Variants in DARS1 observed in about 807,000 individuals in gnomAD.
DARS1 encodes aspartate--tRNA ligase, cytoplasmic.
DARS1 carries 51 observed loss-of-function variants against 68.8 expected under a neutral mutation model. That is an observed-to-expected ratio of 0.74 (90% CI 0.59 to 0.94). The LOEUF is 0.94. Among genes scored for constraint, DARS1 ranks in the 40% least tolerant of loss-of-function variants. The pLI is 0.00. For synonymous variants in DARS1, 203 were observed against 190.4 expected, an observed-to-expected ratio of 1.07 and a Z score of -0.55; for missense variants, 607 against 597.3, an observed-to-expected ratio of 1.02 and a Z score of -0.17.
At chr2:135,971,303 T>C (rs1328476753) in intron 3 of DARS1, among the ~76,000 whole-genome samples, 1 of 152,162 alleles carries the variant, frequency 6.6e-6, no homozygotes, top group African/African-American at 2.4e-5. Flanking sequence ...AATCAATCAA[T>C]GTAATACATT....
intron 4 of DARS1, among the ~76,000 whole-genome samples, chr2:135,959,316 C>G (rs1340736839): frequency 7.3e-6 from 1 of 137,596 alleles, no homozygotes; most frequent in Non-Finnish European, 1.5e-5. Context: ...ATTGCTTGAA[C>G]CGGGTAGGAG....
At position 135,922,993 on chromosome 2, in the gene DARS1, G is replaced by C. The variant is rs10205844; in HGVS notation, c.677-75C>G. 8 of 1,298,852 alleles carry C rather than the reference G, an allele frequency of 6.2e-6. No individual in the cohort carries two copies. The African/African-American group carries it at 1.2e-4, about 20-fold the overall frequency. The allele number at this position is 1,298,852 out of a possible 1,614,324, so 80.5% of individuals were successfully genotyped here. On this transcript the variant is annotated intron_variant, in intron 8 of 15. Coordinates refer to ENST00000264161, the MANE Select transcript of DARS1 (RefSeq NM_001349.4). ...ATCAATGCAAACCTCTAGTTAAAAA[G>C]TTTATACTCAGGTAACTCACTTTAA...
chr2:135,950,357 A>G (rs768627721), intron 4 of DARS1, among the ~76,000 whole-genome samples: 2 of 152,256 alleles, frequency 1.3e-5, no homozygotes, highest in Non-Finnish European at 2.9e-5. Flanking sequence ...CCTCACAGAC[A>G]TATTTCTCTC....
chr2:135,932,496 G>T (rs1357243689), intron 7 of DARS1, among the ~76,000 whole-genome samples: 1 of 152,060 alleles, frequency 6.6e-6, no homozygotes, highest in Admixed American at 6.5e-5. Context: ...TGAATAACTT[G>T]TCTAAAAAAG....
intron 1 of DARS1, 139 bp downstream of exon 1, chr2:135,985,264 G>C: frequency 7.2e-7 from 1 of 1,382,004 alleles, no homozygotes. Context: ...AAGGGCTCTA[G>C]GCGCCCGGAC....
At chr2:135,966,264 C>G (rs1035853229) in intron 3 of DARS1, among the ~76,000 whole-genome samples, 1 of 143,292 alleles carries the variant, frequency 7.0e-6, no homozygotes, top group Admixed American at 7.2e-5. Context: ...CGTGAGACCT[C>G]TATTTCCATA....
chr2:135,970,906 C>G (rs1403409135), intron 3 of DARS1, among the ~76,000 whole-genome samples: 1 of 152,042 alleles, frequency 6.6e-6, no homozygotes, highest in African/African-American at 2.4e-5. Context: ...ATGAAGAAAT[C>G]CAAAATCTGA....
intron 10 of DARS1, 116 bp from the exon 11 acceptor site, chr2:135,916,488 G>A: frequency 4.2e-6 from 2 of 481,318 alleles, no homozygotes; most frequent in Admixed American, 3.2e-5. Flanking sequence ...ACCAGGAAAA[G>A]CATTATCAAA....
At position 135,953,565 on chromosome 2, in the gene DARS1, T is replaced by C. The variant is rs74398392; in HGVS notation, c.320+7831A>G. Reference sequence around the variant, plus strand: ...AAAGCCTAAGCAAAAGTAGATGCAATTGATTATTAGATTTGCCTCTAGTGG... The same window carrying C: ...AAAGCCTAAGCAAAAGTAGATGCAACTGATTATTAGATTTGCCTCTAGTGG... On this transcript the variant is annotated intron_variant, in intron 4 of 15. Transcript: ENST00000264161. Among the ~76,000 whole-genome samples, 1,118 of 152,272 alleles carry C rather than the reference T, an allele frequency of 7.3e-3. 11 individuals carry two copies. Among genetic ancestry groups the C allele is most frequent in the African/African-American group, 0.025 (1,052 of 41,546 alleles).
At chr2:135,965,569 G>A (rs578007469) in intron 3 of DARS1, among the ~76,000 whole-genome samples, 2 of 152,206 alleles carry the variant, frequency 1.3e-5, no homozygotes, top group East Asian at 1.9e-4. Flanking sequence ...ATATAAAATC[G>A]AATTATTACT....
At chr2:135,912,963 T>C (rs901920918) in intron 12 of DARS1, among the ~76,000 whole-genome samples, 1 of 152,176 alleles carries the variant, frequency 6.6e-6, no homozygotes. Context: ...TGGCCTCAAA[T>C]GATCCTCCTA....
chr2:135,979,356 C>T lies in DARS1; in HGVS notation c.135G>A (p.Leu45=). 7.2e-7 allele frequency: 1 copy of T among 1,389,598 alleles called. No individual in the cohort carries two copies. The highest frequency in any genetic ancestry group is 1.0e-6 in the Non-Finnish European group (1 of 975,318). 86.1% of individuals were successfully genotyped at this position (1,389,598 alleles called of 1,614,324 possible). A position where few individuals can be genotyped will look rare whatever the true frequency, so the allele number is the denominator to read the frequency against. The change falls in exon 3 of 16, where the codon TTG becomes TTA. Residue 45 remains leucine, a synonymous_variant. Transcript: ENST00000264161. ...GTATTGTCAAGTCTCTAACCCGAACCAAAACTCGATCTGTAATAACAGTAA... is the reference window on the plus strand; with the variant it reads ...GTATTGTCAAGTCTCTAACCCGAACTAAAACTCGATCTGTAATAACAGTAA... ...IQSQEKPDRV[L]VRVRDLTIQK...
At chr2:135,983,599 T>C in intron 1 of DARS1, 145 bp from the exon 2 acceptor site, 1 of 542,144 alleles carries the variant, frequency 1.8e-6, no homozygotes, top group South Asian at 2.6e-5. Flanking sequence ...TTTCATAATG[T>C]GGAAATCTCT....
chr2:135,960,860 CTT>C (rs1234510404), intron 4 of DARS1, among the ~76,000 whole-genome samples: 1 of 152,186 alleles, frequency 6.6e-6, no homozygotes, highest in Non-Finnish European at 1.5e-5. Flanking sequence ...ACAGCCCAGA[CTT>C]TTACAGGAGG....
intron 11 of DARS1, 28 bp from the exon 12 acceptor site, chr2:135,914,539 T>C: frequency 8.1e-7 from 1 of 1,233,622 alleles, no homozygotes. Flanking sequence ...AATCAGTGTT[T>C]GAAGATCAAA....
intron 15 of DARS1, among the ~76,000 whole-genome samples, chr2:135,910,208 G>A (rs1285473858): frequency 6.6e-6 from 1 of 152,088 alleles, no homozygotes; most frequent in African/African-American, 2.4e-5. Context: ...GAATCATATG[G>A]TAATTCTCTT....
intron 3 of DARS1, among the ~76,000 whole-genome samples, chr2:135,967,405 G>A (rs1168597394): frequency 6.6e-6 from 1 of 152,146 alleles, no homozygotes; most frequent in African/African-American, 2.4e-5. Context: ...CACATGGTAC[G>A]TATAAAATTT....
In DARS1 at chr2:135,985,611, G is replaced by C. The variant is rs748468166; in HGVS notation, c.-143C>G. The stretch of plus-strand genomic sequence containing the variant: ...ACGCGCTCGGACTCCGCGTGGAGGT[G>C]CGGCTCCAGAAAGATCGCGAGAGCT... On this transcript the variant is annotated 5_prime_UTR_variant, in exon 1 of 16. Transcript: ENST00000264161. 6.6e-7 allele frequency: 1 copy of C among 1,513,942 alleles called. No individual in the cohort carries two copies. Among genetic ancestry groups the C allele is most frequent in the Non-Finnish European group, 8.9e-7 (1 of 1,125,322 alleles). The allele number at this position is 1,513,942 out of a possible 1,614,324, so 93.8% of individuals were successfully genotyped here.
At chr2:135,954,456 A>G (rs1225832739) in intron 4 of DARS1, among the ~76,000 whole-genome samples, 1 of 152,038 alleles carries the variant, frequency 6.6e-6, no homozygotes, top group East Asian at 1.9e-4. Context: ...AAAATCTGGC[A>G]CTTTGTGGCT....
Sources: allele counts gnomAD v4.1 joint callset (sites outside exome capture counted in the v4.1 genomes callset), GRCh38; gene constraint gnomAD v4.1.1; transcripts MANE v1.5; gene names NCBI Gene and HGNC (gene_info 2026-07-23, HGNC 2026-07-21).